FOXN3: variants seen among roughly 807,000 people sequenced by gnomAD.
FOXN3 encodes forkhead box N3, also known as forkhead box protein N3.
A neutral mutation model predicts 38.4 loss-of-function variants in FOXN3; 7 were observed. The observed-to-expected ratio is 0.18, with a 90% CI of 0.10 to 0.34. FOXN3 has a LOEUF of 0.34. Ranked by LOEUF, FOXN3 falls within the 10% of genes least tolerant of loss-of-function variation. FOXN3 has a pLI of 1.00. For synonymous variants in FOXN3, 230 were observed against 242.2 expected (o/e 0.95, Z 0.47); for missense variants, 456 against 613.4 (o/e 0.74, Z 2.71).
At chr14:89,566,796 CCTT>C (rs35366350) in intron 1 of FOXN3, among the ~76,000 whole-genome samples, 42,359 of 150,764 alleles carry the variant, frequency 0.28, 6,181 homozygotes, top group East Asian at 0.43. Flanking sequence ...ACTCCATCTT[CCTT>C]CTTCTCCACC....
chr14:89,308,695 G>A (rs1887448668), intron 3 of FOXN3, among the ~76,000 whole-genome samples: 1 of 152,244 alleles, frequency 6.6e-6, no homozygotes, highest in Non-Finnish European at 1.5e-5. Context: ...AAAAAGAGAA[G>A]CTGAGTCATT....
intron 1 of FOXN3, among the ~76,000 whole-genome samples, chr14:89,482,535 G>A (rs763087775): frequency 1.3e-5 from 2 of 152,146 alleles, no homozygotes; most frequent in African/African-American, 2.4e-5. Flanking sequence ...GATCCCTTGA[G>A]CCCAGGAGTT....
At chr14:89,235,649 A>G (rs1884956693) in intron 4 of FOXN3, among the ~76,000 whole-genome samples, 1 of 152,178 alleles carries the variant, frequency 6.6e-6, no homozygotes, top group Non-Finnish European at 1.5e-5. Context: ...AGATAGGGAC[A>G]TTATCCTGGA....
chr14:89,350,515 A>G, intron 3 of FOXN3, 157 bp downstream of exon 3: 1 of 591,086 alleles, frequency 1.7e-6, no homozygotes, highest in South Asian at 4.2e-5. Flanking sequence ...AGGAAATACA[A>G]CAGTGGATAT....
intron 3 of FOXN3, among the ~76,000 whole-genome samples, chr14:89,324,379 T>C (rs1887980516): frequency 6.6e-6 from 1 of 151,796 alleles, no homozygotes; most frequent in Admixed American, 6.6e-5. Context: ...GCCAGAGTGC[T>C]GGGAAGCATT....
At chr14:89,595,518 C>T (rs73315257) in intron 1 of FOXN3, among the ~76,000 whole-genome samples, 3,427 of 152,162 alleles carry the variant, frequency 0.023, 129 homozygotes, top group African/African-American at 0.078. Flanking sequence ...AAGAGAAATA[C>T]AATTTACTTT....
intron 1 of FOXN3, among the ~76,000 whole-genome samples, chr14:89,488,104 TA>T (rs1255262506): frequency 2.0e-5 from 3 of 147,016 alleles, no homozygotes; most frequent in African/African-American, 7.7e-5. Flanking sequence ...TTTTTTTTTT[TA>T]AGACAGAGTC....
intron 2 of FOXN3, among the ~76,000 whole-genome samples, chr14:89,377,107 G>C (rs966708965): frequency 1.4e-5 from 2 of 143,464 alleles, no homozygotes; most frequent in Non-Finnish European, 3.0e-5. Context: ...ACAAGGCAAG[G>C]TGAAAGACAC....
At chr14:89,395,816 A>AG (rs747065264) in intron 2 of FOXN3, among the ~76,000 whole-genome samples, 18 of 151,740 alleles carry the variant, frequency 1.2e-4, no homozygotes, top group Non-Finnish European at 2.1e-4. Flanking sequence ...CTAAGGCTGG[A>AG]GGGGGGGGAG....
chr14:89,333,342 C>CA (rs1888310972), intron 3 of FOXN3: 1 of 151,340 alleles, frequency 6.6e-6, no homozygotes, highest in South Asian at 2.1e-4. Context: ...CACTTGAACT[C>CA]AGAGGGCAGA....
At chr14:89,240,709 T>C (rs1015884378) in intron 4 of FOXN3, among the ~76,000 whole-genome samples, 1 of 152,250 alleles carries the variant, frequency 6.6e-6, no homozygotes, top group African/African-American at 2.4e-5. Flanking sequence ...GGGAGGAGGT[T>C]AGGAAGCTGT....
chr14:89,239,872 G>C lies in FOXN3; in HGVS notation c.745+41078C>G, dbSNP rs190509560. Among the ~76,000 whole-genome samples the C allele has an allele frequency of 2.0e-3, 304 of 152,274 alleles. 1 individual carries two copies. The highest frequency in any genetic ancestry group is 6.8e-3 in the African/African-American group (284 of 41,552). On this transcript the variant is annotated intron_variant, in intron 4 of 5. Transcript: ENST00000557258. Reference sequence around the variant, plus strand: ...CCTATTTTCTAAATGAGGAGACTGAGACCCAGAGAAGGTCACATGACCCAT... The same window carrying C: ...CCTATTTTCTAAATGAGGAGACTGACACCCAGAGAAGGTCACATGACCCAT...
At chr14:89,366,031 C>A (rs1442669205) in intron 2 of FOXN3, among the ~76,000 whole-genome samples, 1 of 152,104 alleles carries the variant, frequency 6.6e-6, no homozygotes, top group African/African-American at 2.4e-5. Flanking sequence ...GCGGGTGGAT[C>A]ACGAGGTCAG....
At chr14:89,501,532 G>C (rs1347149334) in intron 1 of FOXN3, among the ~76,000 whole-genome samples, 1 of 152,162 alleles carries the variant, frequency 6.6e-6, no homozygotes, top group African/African-American at 2.4e-5. Context: ...CGAGGAGAAA[G>C]GATATGAAGG....
intron 4 of FOXN3, among the ~76,000 whole-genome samples, chr14:89,201,657 G>A (rs1328235270): frequency 6.6e-6 from 1 of 152,174 alleles, no homozygotes; most frequent in Non-Finnish European, 1.5e-5. Flanking sequence ...TAGGGGCCTG[G>A]GCACGGCCAG....
intron 1 of FOXN3, among the ~76,000 whole-genome samples, chr14:89,566,125 C>T (rs1367603941): frequency 1.3e-5 from 2 of 152,196 alleles, no homozygotes; most frequent in African/African-American, 4.8e-5. Flanking sequence ...ATTAGTAAAA[C>T]AAATCCCACG....
intron 2 of FOXN3, among the ~76,000 whole-genome samples, chr14:89,406,676 A>T (rs1377732351): frequency 2.0e-5 from 3 of 152,240 alleles, no homozygotes; most frequent in Non-Finnish European, 4.4e-5. Flanking sequence ...TTGTATTTAA[A>T]GCACTCAGCT....
At chr14:89,288,714 CTCTCTCTCTCTATATA>C (rs1886746172) in intron 3 of FOXN3, among the ~76,000 whole-genome samples, 21 of 60,752 alleles carry the variant, frequency 3.5e-4, no homozygotes, top group African/African-American at 4.5e-4. Context: ...CTCTCTCTCT[CTCTCTCTCTCTATATA>C]TATATATATA....
rs146495173 is a variant in FOXN3 at position 89,507,791 on chromosome 14, G to GA, written c.-14-95302dup. 3.3e-3 allele frequency among the ~76,000 whole-genome samples: 452 copies of GA among 136,724 alleles called. 1 individual carries two copies. Among genetic ancestry groups the GA allele is most frequent in the African/African-American group, 0.011 (412 of 39,108 alleles). The allele number at this position is 136,724 out of a possible 152,430, so 89.7% of individuals were successfully genotyped here. A position where few individuals can be genotyped will look rare whatever the true frequency, so the allele number is the denominator to read the frequency against. On this transcript the variant is annotated intron_variant, in intron 1 of 6. Transcript: ENST00000345097. ...GACAATTTCACACTCATTAAAAAAA[G>GA]AAAAAAAAAAGGCACACTAGTATGT...
Sources: allele counts gnomAD v4.1 joint callset (sites outside exome capture counted in the v4.1 genomes callset), GRCh38; gene constraint gnomAD v4.1.1; transcripts MANE v1.5; gene names NCBI Gene and HGNC (gene_info 2026-07-23, HGNC 2026-07-21).